The following LRMDA variants were observed in gnomAD, a reference collection of about 807,000 sequenced individuals.
LRMDA encodes the protein leucine rich melanocyte differentiation associated.
Under a neutral mutation model 29.8 loss-of-function variants are expected in LRMDA, and 18 were observed. The observed-to-expected ratio is 0.60, with a 90% CI of 0.42 to 0.90. The LOEUF (loss-of-function observed/expected upper bound fraction) is 0.90. LRMDA is among the 40% of genes least tolerant of loss of function. The pLI is 0.00. For missense variants in LRMDA, 273 were observed against 273.9 expected, an observed-to-expected ratio of 1.00 and a Z score of 0.02; for synonymous variants, 125 against 109.4, an observed-to-expected ratio of 1.14 and a Z score of -0.89.
intron 2 of LRMDA, among the ~76,000 whole-genome samples, chr10:75,459,000 A>ATTT (rs35375766): frequency 6.7e-6 from 1 of 148,464 alleles, no homozygotes; most frequent in Non-Finnish European, 1.5e-5. Flanking sequence ...TCTGCTTTAG[A>ATTT]TTTTTTTTTT....
At position 75,871,981 on chromosome 10, in the gene LRMDA, T is replaced by C. The variant is rs1376140457; in HGVS notation, c.132-164027T>C. 2.0e-5 allele frequency among the ~76,000 whole-genome samples: 3 copies of C among 152,366 alleles called. No individual in the cohort carries two copies. The East Asian group carries it at 5.8e-4, about 29-fold the overall frequency. ...AATGAGTGAATTGAATGTATTCATCTTCACATGTGCATCCATTGAGGCATT... is the reference window on the plus strand; with the variant it reads ...AATGAGTGAATTGAATGTATTCATCCTCACATGTGCATCCATTGAGGCATT... On this transcript the variant is annotated intron_variant, in intron 2 of 6. Transcript: ENST00000611255.
At chr10:76,029,387 G>GTA (rs1848113202) in intron 2 of LRMDA, among the ~76,000 whole-genome samples, 1 of 152,152 alleles carries the variant, frequency 6.6e-6, no homozygotes, top group Non-Finnish European at 1.5e-5. Context: ...TAGAAAGCAG[G>GTA]TATGGATATC....
chr10:75,728,028 C>G (rs951997977), intron 2 of LRMDA, among the ~76,000 whole-genome samples: 36 of 152,102 alleles, frequency 2.4e-4, no homozygotes, highest in Admixed American at 3.3e-4. Context: ...CTGAATTATT[C>G]ATTATTTCAT....
chr10:76,127,921 C>A (rs1022440026), intron 5 of LRMDA, among the ~76,000 whole-genome samples: 2 of 151,812 alleles, frequency 1.3e-5, no homozygotes, highest in Non-Finnish European at 2.9e-5. Flanking sequence ...TGATTTAAAT[C>A]AAAATGTTTA....
intron 2 of LRMDA, among the ~76,000 whole-genome samples, chr10:75,967,176 C>G (rs1846877379): frequency 6.6e-6 from 1 of 152,184 alleles, no homozygotes; most frequent in African/African-American, 2.4e-5. Flanking sequence ...TCCTTTGTGG[C>G]ACTTCTAGAT....
At chr10:75,678,029 T>C (rs1841981266) in intron 2 of LRMDA, among the ~76,000 whole-genome samples, 1 of 152,206 alleles carries the variant, frequency 6.6e-6, no homozygotes, top group Non-Finnish European at 1.5e-5. Flanking sequence ...ACTGTGTTAT[T>C]GATAAGACCT....
chr10:75,754,184 A>T (rs1842999229), intron 2 of LRMDA, among the ~76,000 whole-genome samples: 1 of 152,212 alleles, frequency 6.6e-6, no homozygotes, highest in Non-Finnish European at 1.5e-5. Context: ...TCTGACCTGC[A>T]TTCCTCATGC....
intron 5 of LRMDA, among the ~76,000 whole-genome samples, chr10:76,215,862 A>G (rs1223482083): frequency 6.6e-6 from 1 of 152,254 alleles, no homozygotes; most frequent in East Asian, 1.9e-4. Flanking sequence ...ATCACAGCAC[A>G]ATGAATCTCA....
intron 2 of LRMDA, among the ~76,000 whole-genome samples, chr10:75,715,056 A>C (rs538347304): frequency 5.9e-5 from 9 of 152,206 alleles, no homozygotes; most frequent in African/African-American, 2.2e-4. Context: ...AGCGTATCTC[A>C]TGACTCACTA....
chr10:76,082,198 G>A lies in LRMDA; in HGVS notation c.516+23415G>A, dbSNP rs570491720. The stretch of plus-strand genomic sequence containing the variant: ...GGCCAACTGTGGGACTTGACTATGC[G>A]TGGATCTGTGTATACGCAGGGGGCC... On this transcript the variant is annotated intron_variant, in intron 5 of 6. Transcript: ENST00000611255. Among the ~76,000 whole-genome samples the A allele has an allele frequency of 8.5e-5, 13 of 152,206 alleles. No homozygotes were observed. In the South Asian group the frequency reaches 2.3e-3, roughly 27 times the overall value.
intron 6 of LRMDA, among the ~76,000 whole-genome samples, chr10:76,361,086 C>T (rs1263924841): frequency 1.3e-5 from 2 of 151,826 alleles, no homozygotes; most frequent in Non-Finnish European, 2.9e-5. Flanking sequence ...CAAGGTGAAA[C>T]CCCGTCTCTA....
In LRMDA at chr10:76,505,988, G is replaced by C. The variant is rs115445840; in HGVS notation, c.602-51221G>C. ...GCTCTGTACAGGATCTGTACTTAAAGCTGGATTTTTGCCCCTTCTCTAGGA... is the reference window on the plus strand; with the variant it reads ...GCTCTGTACAGGATCTGTACTTAAACCTGGATTTTTGCCCCTTCTCTAGGA... On this transcript the variant is annotated intron_variant, in intron 6 of 6. Coordinates refer to ENST00000611255, the MANE Select transcript of LRMDA (RefSeq NM_001305581.2). 3.4e-3 allele frequency among the ~76,000 whole-genome samples: 511 copies of C among 152,216 alleles called. 1 individual carries two copies. Among genetic ancestry groups the C allele is most frequent in the African/African-American group, 0.012 (488 of 41,532 alleles).
chr10:75,544,499 C>T (rs1031981016), intron 2 of LRMDA, among the ~76,000 whole-genome samples: 4 of 152,068 alleles, frequency 2.6e-5, no homozygotes, highest in East Asian at 1.9e-4. Context: ...ATAGGGTGCT[C>T]GAAAGACAGT....
chr10:75,666,216 G>GA (rs1196715589), intron 2 of LRMDA, among the ~76,000 whole-genome samples: 4 of 151,888 alleles, frequency 2.6e-5, no homozygotes, highest in African/African-American at 9.7e-5. Flanking sequence ...TCTAAGATCT[G>GA]AAAAAATATC....
chr10:75,591,401 G>A (rs1355605688), intron 2 of LRMDA, among the ~76,000 whole-genome samples: 1 of 152,200 alleles, frequency 6.6e-6, no homozygotes, highest in Non-Finnish European at 1.5e-5. Flanking sequence ...TTGTACAAAT[G>A]TACCCCAAGT....
chr10:75,788,256 C>G (rs1264408194), intron 2 of LRMDA, among the ~76,000 whole-genome samples: 2 of 152,174 alleles, frequency 1.3e-5, no homozygotes, highest in Non-Finnish European at 2.9e-5. Flanking sequence ...GTTTCTTTTA[C>G]AAAAAGGAAC....
At chr10:76,492,692 G>T (rs1842845532) in intron 6 of LRMDA, among the ~76,000 whole-genome samples, 1 of 152,064 alleles carries the variant, frequency 6.6e-6, no homozygotes, top group African/African-American at 2.4e-5. Context: ...TCACAGTTCT[G>T]CATGGCTGGG....
intron 5 of LRMDA, among the ~76,000 whole-genome samples, chr10:76,212,007 G>A (rs1353918976): frequency 6.6e-6 from 1 of 152,046 alleles, no homozygotes; most frequent in Non-Finnish European, 1.5e-5. Context: ...CCAATGTGGG[G>A]GCAAAGGTTC....
chr10:75,787,788 G>T (rs995965728), intron 2 of LRMDA, among the ~76,000 whole-genome samples: 1 of 152,246 alleles, frequency 6.6e-6, no homozygotes, highest in African/African-American at 2.4e-5. Context: ...CCAGCATTTT[G>T]GGAGGCTGAA....
Sources: gnomAD v4.1 joint callset for allele counts (sites outside exome capture counted in the v4.1 genomes callset) on GRCh38, gnomAD v4.1.1 for gene constraint, MANE v1.5 for transcripts, NCBI Gene and HGNC (gene_info 2026-07-23, HGNC 2026-07-21) for gene names.